CNTN5: variants seen among roughly 807,000 people sequenced by gnomAD.
The protein encoded by CNTN5 is contactin 5, also known as contactin-5.
A neutral mutation model predicts 129.1 loss-of-function variants in CNTN5; 77 were observed. That is an observed-to-expected ratio of 0.60 (90% confidence interval 0.50 to 0.72). CNTN5 has a LOEUF of 0.72. Ranked by LOEUF, CNTN5 falls within the 30% of genes least tolerant of loss-of-function variation. The pLI is 0.00. For missense variants in CNTN5, 1,478 were observed against 1,328.8 expected, an observed-to-expected ratio of 1.11 and a Z score of -1.75; for synonymous variants, 509 against 465.6, an observed-to-expected ratio of 1.09 and a Z score of -1.20.
At chr11:100,290,829 A>C (rs1223609065) in intron 18 of CNTN5, among the ~76,000 whole-genome samples, 2 of 150,232 alleles carry the variant, frequency 1.3e-5, no homozygotes, top group African/African-American at 4.8e-5. Flanking sequence ...CAACCTACAA[A>C]ATGGGAGAAA....
intron 24 of CNTN5, among the ~76,000 whole-genome samples, chr11:100,352,416 C>T (rs1348300989): frequency 6.6e-6 from 1 of 151,626 alleles, no homozygotes; most frequent in Non-Finnish European, 1.5e-5. Context: ...AGGAACTATA[C>T]ATTAAAATAT....
chr11:99,201,430 CCTTCCTTT>C (rs1033967387), intron 1 of CNTN5, among the ~76,000 whole-genome samples: 5 of 148,352 alleles, frequency 3.4e-5, no homozygotes, highest in Admixed American at 1.4e-4. Context: ...TTTTTTCCTT[CCTTCCTTT>C]CTTCCTTTCT....
At chr11:99,934,627 T>C (rs34954770) in intron 7 of CNTN5, among the ~76,000 whole-genome samples, 3 of 152,088 alleles carry the variant, frequency 2.0e-5, no homozygotes, top group Non-Finnish European at 2.9e-5. Flanking sequence ...TGGTTTCTCA[T>C]GCCTGTAATC....
intron 3 of CNTN5, among the ~76,000 whole-genome samples, chr11:99,584,585 A>T (rs1949728779): frequency 6.6e-6 from 1 of 152,212 alleles, no homozygotes. Flanking sequence ...TGTCTCACTC[A>T]ATAATATCTC....
chr11:99,803,443 C>G lies in CNTN5; in HGVS notation c.56-16101C>G, dbSNP rs570493825. 1.6e-4 allele frequency among the ~76,000 whole-genome samples: 24 copies of G among 152,338 alleles called. No homozygotes were observed. In the South Asian group the frequency reaches 5.0e-3, roughly 32 times the overall value. ...TACTTTAGAGCAGGTGACCCAAGCT[C>G]TGGCCCAGGACTAAAATGCCTGTGC... On this transcript the variant is annotated intron_variant, in intron 3 of 24. Transcript: ENST00000524871.
chr11:99,683,276 C>T (rs1459366752), intron 3 of CNTN5, among the ~76,000 whole-genome samples: 1 of 151,780 alleles, frequency 6.6e-6, no homozygotes, highest in African/African-American at 2.4e-5. Flanking sequence ...TCCTGTTCCA[C>T]CTTGCACTTT....
At chr11:99,504,305 G>GATGT in intron 2 of CNTN5, among the ~76,000 whole-genome samples, 1 of 152,120 alleles carries the variant, frequency 6.6e-6, no homozygotes, top group Non-Finnish European at 1.5e-5. Flanking sequence ...CACTTTGGGA[G>GATGT]GCTGAGGTGG....
chr11:100,116,247 C>A (rs1044962845), intron 13 of CNTN5, among the ~76,000 whole-genome samples: 5 of 152,000 alleles, frequency 3.3e-5, no homozygotes, highest in Non-Finnish European at 7.4e-5. Flanking sequence ...ATTCACTCAA[C>A]AAACAGCAGT....
intron 3 of CNTN5, among the ~76,000 whole-genome samples, chr11:99,780,467 G>T (rs767163336): frequency 2.0e-5 from 3 of 151,846 alleles, no homozygotes; most frequent in Non-Finnish European, 4.4e-5. Flanking sequence ...AATAAAGGTC[G>T]GGTTGAGAAT....
At chr11:99,209,051 T>C (rs1206893334) in intron 1 of CNTN5, among the ~76,000 whole-genome samples, 1 of 152,134 alleles carries the variant, frequency 6.6e-6, no homozygotes. Context: ...ATGTTGCAAA[T>C]ATAAAATCTA....
intron 8 of CNTN5, among the ~76,000 whole-genome samples, chr11:99,969,734 C>T (rs1054287979): frequency 1.3e-5 from 2 of 152,148 alleles, no homozygotes; most frequent in Non-Finnish European, 2.9e-5. Flanking sequence ...GTACCTTTCA[C>T]TGTCTCTTCT....
chr11:99,849,038 C>T lies in CNTN5; in HGVS notation c.577+3776C>T, dbSNP rs368108096. ...TTGTGTGATTCTATAACTTGTTGAA[C>T]AGTGTTTAATAAACGTAGGATGGGG... is the stretch of plus-strand genomic sequence containing the variant. On this transcript the variant is annotated intron_variant, in intron 6 of 24. Transcript: ENST00000524871. Among the ~76,000 whole-genome samples the T allele has an allele frequency of 1.4e-4, 21 of 152,068 alleles. No homozygotes were observed. In the East Asian group the frequency reaches 4.1e-3, roughly 29 times the overall value.
At chr11:99,551,088 C>T (rs1437657794) in intron 2 of CNTN5, among the ~76,000 whole-genome samples, 3 of 152,010 alleles carry the variant, frequency 2.0e-5, no homozygotes, top group Non-Finnish European at 4.4e-5. Flanking sequence ...TGTTTTTAGG[C>T]CACTTTAAAT....
intron 6 of CNTN5, among the ~76,000 whole-genome samples, chr11:99,846,094 G>T (rs1269298954): frequency 6.7e-6 from 1 of 148,420 alleles, no homozygotes; most frequent in Non-Finnish European, 1.5e-5. Flanking sequence ...TTTTCGTATT[G>T]CAAAAAAGAT....
chr11:99,147,863 T>A (rs1205109994), intron 1 of CNTN5, among the ~76,000 whole-genome samples: 1 of 152,126 alleles, frequency 6.6e-6, no homozygotes, highest in African/African-American at 2.4e-5. Flanking sequence ...AACATCATGG[T>A]GAAGCACTTC....
At chr11:99,085,541 G>T (rs1865973325) in intron 1 of CNTN5, among the ~76,000 whole-genome samples, 1 of 152,000 alleles carries the variant, frequency 6.6e-6, no homozygotes, top group Non-Finnish European at 1.5e-5. Context: ...ATAATAAAAA[G>T]AATTACTTCA....
chr11:100,131,432 A>G (rs555047344), intron 13 of CNTN5, among the ~76,000 whole-genome samples: 1 of 152,166 alleles, frequency 6.6e-6, no homozygotes, highest in East Asian at 1.9e-4. Context: ...CCAGGATGGA[A>G]TGAGAGGAGG....
chr11:100,229,930 T>A (rs372917080), intron 16 of CNTN5, among the ~76,000 whole-genome samples: 1 of 152,248 alleles, frequency 6.6e-6, no homozygotes, highest in Middle Eastern at 3.4e-3. Flanking sequence ...AGCCTTCACA[T>A]GGTTGAGTAA....
chr11:99,397,565 T>C (rs1941589556), intron 2 of CNTN5, among the ~76,000 whole-genome samples: 1 of 151,874 alleles, frequency 6.6e-6, no homozygotes, highest in Admixed American at 6.6e-5. Flanking sequence ...TGGATACTCA[T>C]TTTAAGCTTT....
Sources: gnomAD v4.1 joint callset for allele counts (sites outside exome capture counted in the v4.1 genomes callset) on GRCh38, gnomAD v4.1.1 for gene constraint, MANE v1.5 for transcripts, NCBI Gene and HGNC (gene_info 2026-07-23, HGNC 2026-07-21) for gene names.